The following CERS6 variants were observed in gnomAD, a reference collection of about 807,000 sequenced individuals.
The protein encoded by CERS6 is ceramide synthase 6.
A neutral mutation model predicts 56.8 loss-of-function variants in CERS6; 26 were observed. That is an observed-to-expected ratio of 0.46 (90% CI 0.34 to 0.63). The LOEUF (loss-of-function observed/expected upper bound fraction) is 0.63, where lower values mean the gene tolerates loss of function less well. CERS6 is among the 30% of genes least tolerant of loss of function. The pLI is 0.01. For synonymous variants in CERS6, 164 were observed against 173.3 expected (o/e 0.95, Z 0.42); for missense variants, 415 against 467.5 (o/e 0.89, Z 1.04).
chr2:168,510,437 G>A (rs900801839), intron 1 of CERS6, among the ~76,000 whole-genome samples: 3 of 152,186 alleles, frequency 2.0e-5, no homozygotes, highest in Non-Finnish European at 4.4e-5. Context: ...GTGTTGTACG[G>A]TAATGTGCTA....
intron 3 of CERS6, among the ~76,000 whole-genome samples, chr2:168,628,482 A>G (rs565063502): frequency 5.3e-5 from 8 of 152,200 alleles, no homozygotes; most frequent in African/African-American, 1.7e-4. Context: ...AAGAACGCCA[A>G]CCTCCAGAAT....
chr2:168,746,801 A>T (rs1266431102), intron 8 of CERS6, among the ~76,000 whole-genome samples: 1 of 109,040 alleles, frequency 9.2e-6, no homozygotes, highest in Non-Finnish European at 1.9e-5. Flanking sequence ...ATATATATAT[A>T]TATATATATA....
intron 3 of CERS6, among the ~76,000 whole-genome samples, chr2:168,588,323 G>A (rs568308530): frequency 7.9e-5 from 12 of 152,134 alleles, no homozygotes; most frequent in Admixed American, 5.9e-4. Context: ...TCACTGTGTT[G>A]TACAATGCAA....
At chr2:168,643,947 A>G (rs1211227706) in intron 4 of CERS6, among the ~76,000 whole-genome samples, 1 of 152,208 alleles carries the variant, frequency 6.6e-6, no homozygotes, top group African/African-American at 2.4e-5. Context: ...TCAGCCTACC[A>G]TACCATGCCG....
chr2:168,504,865 G>A (rs1454010590), intron 1 of CERS6, among the ~76,000 whole-genome samples: 1 of 152,110 alleles, frequency 6.6e-6, no homozygotes, highest in African/African-American at 2.4e-5. Flanking sequence ...TTAGGTAGAG[G>A]TTTGTTGGGG....
intron 3 of CERS6, among the ~76,000 whole-genome samples, chr2:168,577,807 T>G (rs760998964): frequency 4.6e-5 from 7 of 152,098 alleles, no homozygotes; most frequent in Non-Finnish European, 1.0e-4. Flanking sequence ...GAGGAAGTAT[T>G]AGCATTTTGA....
intron 4 of CERS6, among the ~76,000 whole-genome samples, chr2:168,690,771 A>C (rs1289074203): frequency 6.6e-6 from 1 of 152,186 alleles, no homozygotes; most frequent in Non-Finnish European, 1.5e-5. Flanking sequence ...AGTGACCAGC[A>C]AAATAGAAAA....
At chr2:168,711,593 G>A (rs763849566) in intron 6 of CERS6, among the ~76,000 whole-genome samples, 2 of 151,930 alleles carry the variant, frequency 1.3e-5, no homozygotes, top group Non-Finnish European at 2.9e-5. Context: ...AATTAGCTGG[G>A]CGTGGTGGCT....
intron 2 of CERS6, among the ~76,000 whole-genome samples, chr2:168,560,529 T>G (rs1214341789): frequency 6.6e-6 from 1 of 152,164 alleles, no homozygotes; most frequent in Non-Finnish European, 1.5e-5. Flanking sequence ...CCAAGTGTAC[T>G]TTTTTCAAGT....
chr2:168,619,121 C>T (rs1383545667), intron 3 of CERS6, among the ~76,000 whole-genome samples: 3 of 152,060 alleles, frequency 2.0e-5, no homozygotes, highest in Non-Finnish European at 2.9e-5. Flanking sequence ...GAAAGGACAC[C>T]CTATTCAACA....
chr2:168,616,050 A>G (rs1684309177), intron 3 of CERS6, among the ~76,000 whole-genome samples: 1 of 152,220 alleles, frequency 6.6e-6, no homozygotes. Context: ...GCTAGAAGGG[A>G]TTGGAGACCT....
chr2:168,680,919 C>G (rs987357226), intron 4 of CERS6, among the ~76,000 whole-genome samples: 1 of 152,178 alleles, frequency 6.6e-6, no homozygotes, highest in Admixed American at 6.5e-5. Flanking sequence ...TGTACTATGT[C>G]CTTAACCACT....
At chr2:168,563,304 A>G (rs781654766) in intron 3 of CERS6, among the ~76,000 whole-genome samples, 7 of 152,216 alleles carry the variant, frequency 4.6e-5, no homozygotes, top group Non-Finnish European at 7.3e-5. Flanking sequence ...ATACCACAAT[A>G]AATAAGACAG....
rs144242485 is a variant in CERS6, at chr2:168,585,818, G to A, written c.407+24496G>A. Among the ~76,000 whole-genome samples, 38 of 152,254 alleles carry A rather than the reference G, an allele frequency of 2.5e-4. No individual in the cohort carries two copies. The East Asian group carries it at 5.8e-3, about 23-fold the overall frequency. ...GGTGGGCTGGTCCTTCACAAATCTT[G>A]GGCCACGTCTCCCTGTGTGACATCT... On this transcript the variant is annotated intron_variant, in intron 3 of 9. Transcript: ENST00000305747.
chr2:168,746,903 C>T (rs1684124690), intron 8 of CERS6, among the ~76,000 whole-genome samples: 2 of 147,156 alleles, frequency 1.4e-5, no homozygotes, highest in Non-Finnish European at 3.0e-5. Flanking sequence ...AATACATACT[C>T]ATTAGAGAAC....
chr2:168,546,194 A>C (rs986897720), intron 1 of CERS6, among the ~76,000 whole-genome samples: 4 of 152,202 alleles, frequency 2.6e-5, no homozygotes, highest in African/African-American at 9.7e-5. Flanking sequence ...GAAGGGCCAG[A>C]GTCGTTAGGA....
intron 2 of CERS6, among the ~76,000 whole-genome samples, chr2:168,559,214 C>A (rs924407299): frequency 1.4e-5 from 2 of 147,206 alleles, no homozygotes; most frequent in South Asian, 2.1e-4. Context: ...AAAAAAAAAC[C>A]CCAAAAAACC....
intron 5 of CERS6, among the ~76,000 whole-genome samples, chr2:168,692,261 C>T (rs865859486): frequency 1.3e-5 from 2 of 152,088 alleles, no homozygotes; most frequent in Non-Finnish European, 2.9e-5. Context: ...TGCTGTTTAC[C>T]GTACTTGGAA....
intron 3 of CERS6, among the ~76,000 whole-genome samples, chr2:168,579,577 T>C (rs1683359352): frequency 6.6e-6 from 1 of 152,156 alleles, no homozygotes; most frequent in African/African-American, 2.4e-5. Flanking sequence ...GTTTGATTCT[T>C]ACTCATTTCT....
Sources: gnomAD v4.1 joint callset for allele counts (sites outside exome capture counted in the v4.1 genomes callset) on GRCh38, gnomAD v4.1.1 for gene constraint, MANE v1.5 for transcripts, NCBI Gene and HGNC (gene_info 2026-07-23, HGNC 2026-07-21) for gene names.